The following PDE4D variants were observed in gnomAD, a reference collection of about 807,000 sequenced individuals.
PDE4D encodes phosphodiesterase 4D.
Under a neutral mutation model 87.4 loss-of-function variants are expected in PDE4D, and 24 were observed. The observed-to-expected ratio is 0.27, with a 90% confidence interval of 0.20 to 0.39. The LOEUF (loss-of-function observed/expected upper bound fraction) is 0.39, where lower values mean the gene tolerates loss of function less well. Ranked by LOEUF, PDE4D falls within the 10% of genes least tolerant of loss-of-function variation. PDE4D has a pLI of 1.00. For synonymous variants in PDE4D, 384 were observed against 383.2 expected (o/e 1.00, Z -0.02); for missense variants, 714 against 1,041.0 (o/e 0.69, Z 4.32).
chr5:59,982,685 G>A (rs970904956), intron 3 of PDE4D, among the ~76,000 whole-genome samples: 3 of 152,142 alleles, frequency 2.0e-5, no homozygotes, highest in East Asian at 3.9e-4. Flanking sequence ...ACATGTGTGC[G>A]GGAAGATGCC....
At chr5:60,024,996 G>A (rs1766472130) in intron 2 of PDE4D, among the ~76,000 whole-genome samples, 1 of 152,130 alleles carries the variant, frequency 6.6e-6, no homozygotes, top group East Asian at 1.9e-4. Flanking sequence ...GTGGAGCTCT[G>A]TGTGGGCAAG....
At chr5:59,908,380 G>A (rs914491304) in intron 3 of PDE4D, among the ~76,000 whole-genome samples, 3 of 151,876 alleles carry the variant, frequency 2.0e-5, no homozygotes, top group Admixed American at 2.0e-4. Context: ...TATTGGTTAC[G>A]GCTTCCGAAA....
intron 1 of PDE4D, among the ~76,000 whole-genome samples, chr5:59,858,927 T>C (rs999347414): frequency 3.9e-5 from 6 of 152,202 alleles, no homozygotes; most frequent in Non-Finnish European, 7.3e-5. Flanking sequence ...ACGGAGGAAC[T>C]ACTATACGCT....
chr5:59,736,218 A>C (rs1377672656), intron 1 of PDE4D, among the ~76,000 whole-genome samples: 2 of 152,128 alleles, frequency 1.3e-5, no homozygotes, highest in African/African-American at 4.8e-5. Context: ...AGAGAGTTCA[A>C]GCAAATGGAA....
chr5:60,388,820 C>T (rs1762376658), intron 1 of PDE4D, among the ~76,000 whole-genome samples: 1 of 152,156 alleles, frequency 6.6e-6, no homozygotes, highest in South Asian at 2.1e-4. Context: ...AGCCAGGAAC[C>T]ATGGATGAAA....
At chr5:60,045,616 G>A (rs559950141) in intron 2 of PDE4D, among the ~76,000 whole-genome samples, 17 of 152,286 alleles carry the variant, frequency 1.1e-4, no homozygotes, top group African/African-American at 4.1e-4. Context: ...TTATTAAATA[G>A]GGAATCCTCT....
chr5:60,428,994 T>C (rs1207986721), intron 1 of PDE4D, among the ~76,000 whole-genome samples: 1 of 152,202 alleles, frequency 6.6e-6, no homozygotes, highest in African/African-American at 2.4e-5. Context: ...TTACACAGGA[T>C]AGTTCCAGTT....
chr5:60,371,206 G>A (rs763447120), intron 1 of PDE4D, among the ~76,000 whole-genome samples: 9 of 152,160 alleles, frequency 5.9e-5, no homozygotes, highest in Admixed American at 5.9e-4. Flanking sequence ...TGCACTACGC[G>A]AATGGCCTTT....
intron 1 of PDE4D, among the ~76,000 whole-genome samples, chr5:59,216,201 G>T (rs980239284): frequency 2.0e-5 from 3 of 152,102 alleles, no homozygotes; most frequent in African/African-American, 7.2e-5. Flanking sequence ...CAAGATACAG[G>T]TTTTTCCAAA....
At chr5:60,326,184 C>T (rs1268062885) in intron 1 of PDE4D, among the ~76,000 whole-genome samples, 1 of 151,986 alleles carries the variant, frequency 6.6e-6, no homozygotes, top group Admixed American at 6.6e-5. Context: ...GATAAATGCC[C>T]AGGAGTGCAT....
At chr5:59,966,288 A>G (rs538599468) in intron 3 of PDE4D, among the ~76,000 whole-genome samples, 131 of 152,222 alleles carry the variant, frequency 8.6e-4, no homozygotes, top group Non-Finnish European at 1.7e-3. Context: ...CAAGGAAAGT[A>G]TATTAGAGCT....
rs969949244 is a variant in PDE4D at position 59,463,393 on chromosome 5, C to T, written c.456-247425G>A. Among the ~76,000 whole-genome samples, 7 of 151,990 alleles carry T rather than the reference C, an allele frequency of 4.6e-5. 1 individual carries two copies. Among genetic ancestry groups the T allele is most frequent in the Non-Finnish European group, 1.5e-5 (1 of 67,982 alleles). ...ATTAAACTCACATACATAGCATCTCCAAATAAGGTTTCTTACCAGCGAAAG... is the reference window on the plus strand; with the variant it reads ...ATTAAACTCACATACATAGCATCTCTAAATAAGGTTTCTTACCAGCGAAAG... On this transcript the variant is annotated intron_variant, in intron 1 of 14. Transcript: ENST00000340635.
intron 1 of PDE4D, among the ~76,000 whole-genome samples, chr5:60,219,186 C>A (rs1010085160): frequency 6.6e-6 from 1 of 152,102 alleles, no homozygotes; most frequent in South Asian, 2.1e-4. Context: ...ACCTTATCAA[C>A]CTAATTAGAT....
rs750105496 is a variant in PDE4D at position 59,916,954 on chromosome 5, A to ATTTTTTT, written c.272+71527_272+71533dup. Among the ~76,000 whole-genome samples the ATTTTTTT allele has an allele frequency of 6.8e-5, 5 of 73,640 alleles. 1 individual carries two copies. Among genetic ancestry groups the ATTTTTTT allele is most frequent in the African/African-American group, 4.3e-4 (5 of 11,652 alleles). 48.3% of individuals were successfully genotyped at this position (73,640 alleles called of 152,430 possible). On this transcript the variant is annotated intron_variant, in intron 3 of 16. Coordinates refer to the PDE4D transcript ENST00000502484. ...AGGGGTGCACCACCATGCCCGGCTAATTTTTTTTTTTTTTTTTTTTTTTTT... is the reference window on the plus strand; with the variant it reads ...AGGGGTGCACCACCATGCCCGGCTAATTTTTTTTTTTTTTTTTTTTTTTTTTTTTTTT...
At chr5:59,241,023 C>T (rs1271218797) in intron 1 of PDE4D, among the ~76,000 whole-genome samples, 10 of 152,094 alleles carry the variant, frequency 6.6e-5, no homozygotes, top group Admixed American at 6.6e-4. Flanking sequence ...GGAGATAAAG[C>T]ATGTGAAGTG....
At chr5:60,496,529 C>G (rs758591726) in intron 1 of PDE4D, among the ~76,000 whole-genome samples, 2 of 152,136 alleles carry the variant, frequency 1.3e-5, no homozygotes, top group Non-Finnish European at 2.9e-5. Flanking sequence ...TTAGCTTTCT[C>G]TCTTTGAATC....
In PDE4D at chr5:59,436,527, C is replaced by T. The variant is rs77750871; in HGVS notation, c.456-220559G>A. ...TTTCTCAGAAATTTTATTAGCATGA[C>T]CTAATCTCTCAGATTGTAAAAACTG... On this transcript the variant is annotated intron_variant, in intron 1 of 14. Transcript: ENST00000340635. Among the ~76,000 whole-genome samples, 98 of 152,244 alleles carry T rather than the reference C, an allele frequency of 6.4e-4. 2 individuals are homozygous for T. In the East Asian group the frequency reaches 0.017, roughly 27 times the overall value.
chr5:59,674,444 A>G (rs1216972183), intron 1 of PDE4D, among the ~76,000 whole-genome samples: 1 of 152,168 alleles, frequency 6.6e-6, no homozygotes, highest in Non-Finnish European at 1.5e-5. Flanking sequence ...CAATGAACCA[A>G]TAAATTAATT....
intron 1 of PDE4D, among the ~76,000 whole-genome samples, chr5:59,233,471 C>T (rs939262628): frequency 1.3e-5 from 2 of 152,094 alleles, no homozygotes; most frequent in African/African-American, 4.8e-5. Context: ...AGACTAGAAC[C>T]ACTCTTCACT....
Sources: allele counts gnomAD v4.1 joint callset (sites outside exome capture counted in the v4.1 genomes callset), GRCh38; gene constraint gnomAD v4.1.1; transcripts MANE v1.5; gene names NCBI Gene and HGNC (gene_info 2026-07-23, HGNC 2026-07-21).